KLKB1: variants seen among roughly 807,000 people sequenced by gnomAD.
KLKB1 encodes the protein kallikrein B1, also known as plasma kallikrein.
In KLKB1, 58 loss-of-function variants were observed where a neutral mutation model predicts 73.6. That is an observed-to-expected ratio of 0.79 (90% confidence interval 0.64 to 0.98). The LOEUF (loss-of-function observed/expected upper bound fraction) is 0.98. KLKB1 is among the 50% of genes least tolerant of loss of function. KLKB1 has a pLI of 0.00. For missense variants in KLKB1, 737 were observed against 763.8 expected (o/e 0.96, Z 0.41); for synonymous variants, 280 against 258.1 (o/e 1.08, Z -0.81).
chr4:186,236,285 C>T (rs926839883), intron 4 of KLKB1, among the ~76,000 whole-genome samples: 1 of 152,158 alleles, frequency 6.6e-6, no homozygotes, highest in African/African-American at 2.4e-5. Context: ...AACAACTCTC[C>T]ACATTTTGTA....
intron 6 of KLKB1, among the ~76,000 whole-genome samples, chr4:186,243,063 C>T (rs916013156): frequency 6.6e-6 from 1 of 152,042 alleles, no homozygotes; most frequent in African/African-American, 2.4e-5. Context: ...CTACCCAGAC[C>T]AAGAGGTATT....
At chr4:186,246,734 G>A (rs1052195826) in intron 6 of KLKB1, among the ~76,000 whole-genome samples, 1 of 151,988 alleles carries the variant, frequency 6.6e-6, no homozygotes, top group African/African-American at 2.4e-5. Flanking sequence ...GGGTGGGGGG[G>A]TGCTTGCCCC....
At chr4:186,224,284 T>G (rs1737101186), upstream of KLKB1, among the ~76,000 whole-genome samples, 1 of 152,178 alleles carries the variant, frequency 6.6e-6, no homozygotes, top group Non-Finnish European at 1.5e-5. Context: ...ACTGGAGCAC[T>G]GCCCAGTGGA....
intron 4 of KLKB1, among the ~76,000 whole-genome samples, chr4:186,235,835 G>A (rs560847969): frequency 2.0e-5 from 3 of 152,108 alleles, no homozygotes; most frequent in African/African-American, 7.2e-5. Context: ...AAAAAAAGAG[G>A]CCGGGCGCGG....
chr4:186,251,597 C>T lies in KLKB1; in HGVS notation c.979C>T (p.Arg327Cys), dbSNP rs199806113. Residue 327 changes from arginine to cysteine, a missense_variant, in exon 9 of 15, where the codon CGC becomes TGC. Arg to Cys is a radical substitution (Grantham distance 180, BLOSUM62 -3). Coordinates refer to ENST00000264690, the MANE Select transcript of KLKB1 (RefSeq NM_000892.5). ...VCQETCTKMIRCQFFTYSLLP... is the reference protein window; with the variant it reads ...VCQETCTKMICCQFFTYSLLP... Reference sequence around the variant, plus strand: ...CCAAGAGACTTGCACAAAGATGATTCGCTGTCAGTTTTTCACTTATTCTTT... The same window carrying T: ...CCAAGAGACTTGCACAAAGATGATTTGCTGTCAGTTTTTCACTTATTCTTT... The T allele has an allele frequency of 2.3e-5, 37 of 1,614,034 alleles. No homozygotes were observed. The East Asian group carries it at 2.5e-4, about 11-fold the overall frequency.
intron 2 of KLKB1, among the ~76,000 whole-genome samples, chr4:186,219,876 T>G (rs887410873): frequency 6.6e-6 from 1 of 152,150 alleles, no homozygotes; most frequent in African/African-American, 2.4e-5. Context: ...CCTGTATTCC[T>G]TGCATACTCT....
intron 2 of KLKB1, among the ~76,000 whole-genome samples, chr4:186,217,434 C>A (rs1318384339): frequency 6.6e-6 from 1 of 152,046 alleles, no homozygotes; most frequent in Non-Finnish European, 1.5e-5. Context: ...GCACAACATG[C>A]ATATTTAAAA....
chr4:186,255,167 G>A (rs4253317), intron 12 of KLKB1, among the ~76,000 whole-genome samples: 55 of 152,184 alleles, frequency 3.6e-4, no homozygotes, highest in Admixed American at 6.5e-4. Flanking sequence ...GTAGGAAAGA[G>A]ACTCATGCAG....
chr4:186,245,403 AG>A, intron 6 of KLKB1, among the ~76,000 whole-genome samples: 1 of 151,274 alleles, frequency 6.6e-6, no homozygotes, highest in East Asian at 2.4e-4. Context: ...TCTGGGAAGC[AG>A]TCAGTCAGAG....
At chr4:186,218,631 T>TTA (rs1736962074) in intron 2 of KLKB1, among the ~76,000 whole-genome samples, 1 of 135,790 alleles carries the variant, frequency 7.4e-6, no homozygotes, top group African/African-American at 2.8e-5. Context: ...TTTTACATAG[T>TTA]GTGTGTGTGT....
intron 6 of KLKB1, among the ~76,000 whole-genome samples, chr4:186,249,377 C>A (rs797019910): frequency 2.0e-5 from 3 of 152,244 alleles, no homozygotes; most frequent in African/African-American, 7.2e-5. Flanking sequence ...TGTGGGTATT[C>A]AGTTATTCCA....
chr4:186,256,108 A>G (rs1738980447), intron 13 of KLKB1, 21 bp downstream of exon 13: 3 of 1,475,762 alleles, frequency 2.0e-6, no homozygotes, highest in African/African-American at 1.4e-5. Context: ...CGCTTTAAAT[A>G]TTGCTTCTAG....
At chr4:186,256,660 A>G (rs3775302) in intron 13 of KLKB1, among the ~76,000 whole-genome samples, 31,434 of 152,112 alleles carry the variant, frequency 0.21, 3,971 homozygotes, top group African/African-American at 0.34. Flanking sequence ...ATTGTTCTCC[A>G]TGAGAGATGC....
chr4:186,254,522 G>A lies in KLKB1; in HGVS notation c.1314-66G>A, dbSNP rs975494380. Reference sequence around the variant, plus strand: ...CCAGTTCTTTGAAAGAGAGTGATAGGAAAAAGGAACACTATTGAAGGAAGG... The same window carrying A: ...CCAGTTCTTTGAAAGAGAGTGATAGAAAAAAGGAACACTATTGAAGGAAGG... On this transcript the variant is annotated intron_variant, in intron 11 of 14. Transcript: ENST00000264690. 4.9e-5 allele frequency: 64 copies of A among 1,308,736 alleles called. No individual in the cohort carries two copies. The East Asian group carries it at 1.4e-3, about 30-fold the overall frequency. The allele number at this position is 1,308,736 out of a possible 1,614,324, so 81.1% of individuals were successfully genotyped here.
At chr4:186,239,894 G>A (rs71640034) in intron 6 of KLKB1, among the ~76,000 whole-genome samples, 62,962 of 119,996 alleles carry the variant, frequency 0.52, 17,257 homozygotes, top group East Asian at 0.64. Context: ...AAACTAGTAC[G>A]GTGATACTGT....
At chr4:186,251,111 A>T in intron 7 of KLKB1, 108 bp from the exon 8 acceptor site, 1 of 711,572 alleles carries the variant, frequency 1.4e-6, no homozygotes, top group East Asian at 2.6e-5. Context: ...TTCCCAGAAG[A>T]ATAAAATTTG....
intron 11 of KLKB1, 27 bp from the exon 12 acceptor site, chr4:186,254,561 A>G: frequency 6.2e-7 from 1 of 1,601,160 alleles, no homozygotes; most frequent in Non-Finnish European, 8.6e-7. Context: ...GCCCAGTTTC[A>G]AACAGGTATT....
chr4:186,237,856 C>T (rs917697153), intron 5 of KLKB1, among the ~76,000 whole-genome samples: 1 of 152,074 alleles, frequency 6.6e-6, no homozygotes, highest in African/African-American at 2.4e-5. Flanking sequence ...TACTGTCTAT[C>T]GCTCCATGCT....
At chr4:186,237,114 A>C (rs1187694549) in intron 5 of KLKB1, among the ~76,000 whole-genome samples, 174 bp downstream of exon 5, 1 of 151,762 alleles carries the variant, frequency 6.6e-6, no homozygotes, top group Non-Finnish European at 1.5e-5. Context: ...TTATTTATTT[A>C]TTGAGATGGA....
Sources: gnomAD v4.1 joint callset for allele counts (sites outside exome capture counted in the v4.1 genomes callset) on GRCh38, gnomAD v4.1.1 for gene constraint, MANE v1.5 for transcripts, NCBI Gene and HGNC (gene_info 2026-07-23, HGNC 2026-07-21) for gene names.